CCDC148: variants seen among roughly 807,000 people sequenced by gnomAD.
CCDC148 encodes coiled-coil domain containing 148.
In CCDC148, 89 loss-of-function variants were observed where a neutral mutation model predicts 85.7. The observed-to-expected ratio is 1.04, with a 90% confidence interval of 0.87 to 1.24. CCDC148 has a LOEUF of 1.24. Among genes scored for constraint, CCDC148 ranks in the 50% most tolerant of loss-of-function variants. The probability of loss-of-function intolerance (pLI) is 0.00; values close to 1 mark genes in which losing one functional copy is unlikely to be tolerated. For missense variants in CCDC148, 692 were observed against 671.7 expected (o/e 1.03, Z -0.33); for synonymous variants, 230 against 213.9 (o/e 1.08, Z -0.66).
rs1177666183 is a variant in CCDC148 at position 158,250,351 on chromosome 2, A to G, written c.1251+421T>C. On this transcript the variant is annotated intron_variant, in intron 10 of 13. Transcript: ENST00000283233. ...TAAAGGGCATTTTGACTTTCCATGA[A>G]TTGCACTGTCTCTAGTATAATATAT... Among the ~76,000 whole-genome samples, 3 of 151,946 alleles carry G rather than the reference A, an allele frequency of 2.0e-5. No individual in the cohort carries two copies. The East Asian group carries it at 5.8e-4, about 29-fold the overall frequency.
At chr2:158,173,797 T>G (rs985571150) in intron 13 of CCDC148, among the ~76,000 whole-genome samples, 1 of 152,062 alleles carries the variant, frequency 6.6e-6, no homozygotes, top group Non-Finnish European at 1.5e-5. Flanking sequence ...GCTCCAGTGA[T>G]TCATGTGCAA....
chr2:158,190,414 A>G (rs1238946099), intron 11 of CCDC148, among the ~76,000 whole-genome samples: 1 of 151,976 alleles, frequency 6.6e-6, no homozygotes, highest in African/African-American at 2.4e-5. Flanking sequence ...TATAACAATC[A>G]TATTTCTGCA....
chr2:158,440,145 AGGTGTGAG>A (rs1372774519), intron 1 of CCDC148, among the ~76,000 whole-genome samples: 4 of 152,146 alleles, frequency 2.6e-5, no homozygotes, highest in Non-Finnish European at 5.9e-5. Flanking sequence ...CTGAGATTAC[AGGTGTGAG>A]GCACAGCACC....
intron 9 of CCDC148, among the ~76,000 whole-genome samples, chr2:158,254,570 G>A (rs1261140548): frequency 6.6e-6 from 1 of 151,640 alleles, no homozygotes; most frequent in Admixed American, 6.6e-5. Flanking sequence ...TAATGCATAT[G>A]CAAAGAGATT....
chr2:158,273,766 C>T (rs1464144435), intron 9 of CCDC148, among the ~76,000 whole-genome samples: 1 of 152,146 alleles, frequency 6.6e-6, no homozygotes, highest in African/African-American at 2.4e-5. Flanking sequence ...CACTAACTCT[C>T]ATGCATCTGT....
Position 158,360,672 on chromosome 2 carries a change from T to A in CCDC148, c.26-2102A>T, listed in dbSNP as rs10183064. Reference sequence around the variant, plus strand: ...CCACTCGGAAACCCCAGCCGAAGCTTACCAACATCAAAGACCAAAGATAGA... The same window carrying A: ...CCACTCGGAAACCCCAGCCGAAGCTAACCAACATCAAAGACCAAAGATAGA... On this transcript the variant is annotated intron_variant, in intron 1 of 13. Transcript: ENST00000283233. Among the ~76,000 whole-genome samples the A allele has an allele frequency of 5.9e-5, 9 of 151,768 alleles. No individual in the cohort carries two copies. The East Asian group carries it at 1.6e-3, about 26-fold the overall frequency.
chr2:158,357,053 C>G (rs10202592), intron 2 of CCDC148, among the ~76,000 whole-genome samples: 122,985 of 144,698 alleles, frequency 0.85, 52,367 homozygotes, highest in East Asian at 0.98. Flanking sequence ...GACACAGGAA[C>G]GGGAATATCA....
chr2:158,434,793 G>C (rs1172305609), intron 1 of CCDC148, among the ~76,000 whole-genome samples: 2 of 152,204 alleles, frequency 1.3e-5, no homozygotes, highest in African/African-American at 4.8e-5. Context: ...TGACCTGATG[G>C]AGCTGAAAAC....
rs115960186 is a variant in CCDC148, at chr2:158,211,424, C to T, written c.1370+9171G>A. Among the ~76,000 whole-genome samples the T allele has an allele frequency of 8.3e-3, 1,257 of 152,206 alleles. 21 individuals carry two copies. Among genetic ancestry groups the T allele is most frequent in the African/African-American group, 0.029 (1,204 of 41,528 alleles). ...GTGGGCATAAAGGGATGTAATAATG[C>T]TCATTTTATACATTAAAAAACATAT... On this transcript the variant is annotated intron_variant, in intron 11 of 13. Transcript: ENST00000283233.
At chr2:158,451,590 G>A (rs1159762403) in intron 1 of CCDC148, among the ~76,000 whole-genome samples, 1 of 151,790 alleles carries the variant, frequency 6.6e-6, no homozygotes, top group African/African-American at 2.4e-5. Flanking sequence ...ATTCTACCCT[G>A]AAAAAACAAT....
At chr2:158,401,483 A>AAGTGGG (rs1685779835) in intron 1 of CCDC148, among the ~76,000 whole-genome samples, 1 of 151,682 alleles carries the variant, frequency 6.6e-6, no homozygotes. Flanking sequence ...TCTCACTCAT[A>AAGTGGG]AGTTGAACAA....
chr2:158,289,451 C>A (rs1257491856), intron 9 of CCDC148, among the ~76,000 whole-genome samples: 1 of 151,996 alleles, frequency 6.6e-6, no homozygotes, highest in African/African-American at 2.4e-5. Context: ...GAAAAAAATC[C>A]AGATAGCCAT....
intron 8 of CCDC148, among the ~76,000 whole-genome samples, chr2:158,310,862 C>G (rs549781239): frequency 2.1e-3 from 311 of 149,152 alleles, no homozygotes; most frequent in Non-Finnish European, 2.3e-3. Flanking sequence ...AGAGGTGCTC[C>G]TCACTTCCCA....
chr2:158,244,575 A>C (rs1688491913), intron 10 of CCDC148, among the ~76,000 whole-genome samples: 1 of 152,074 alleles, frequency 6.6e-6, no homozygotes, highest in African/African-American at 2.4e-5. Flanking sequence ...ATTCCTTGCC[A>C]TGTGACTCCC....
rs1684343447 is a variant in CCDC148 at position 158,172,129 on chromosome 2, G to A, written c.1760C>T (p.Thr587Ile). 11 of 1,605,536 alleles carry A rather than the reference G, an allele frequency of 6.9e-6. No homozygotes were observed. The highest frequency in any genetic ancestry group is 9.4e-6 in the Non-Finnish European group (11 of 1,175,948). Residue 587 changes from threonine to isoleucine, a missense_variant, in exon 14 of 14, where the codon ACT becomes ATT. Physicochemically the swap from Thr to Ile is moderately conservative, Grantham distance 89 (BLOSUM62 -1). Transcript: ENST00000283233. ...QKPPRKDMES[T>I]VFKI ...GGATGAGCTCTATATTTTAAATACA[G>A]TAGACTCCATGTCCTTTCTTGGAGG...
At chr2:158,229,058 G>A (rs1039149988) in intron 10 of CCDC148, among the ~76,000 whole-genome samples, 1 of 151,368 alleles carries the variant, frequency 6.6e-6, no homozygotes, top group Non-Finnish European at 1.5e-5. Context: ...CTGTCTGAAT[G>A]CCCTTCCAAC....
chr2:158,373,448 TAC>T (rs1411713377), intron 1 of CCDC148, among the ~76,000 whole-genome samples: 1 of 152,032 alleles, frequency 6.6e-6, no homozygotes, highest in Non-Finnish European at 1.5e-5. Context: ...TTTGAAATAG[TAC>T]ACACACTATT....
intron 11 of CCDC148, among the ~76,000 whole-genome samples, chr2:158,198,928 C>G (rs1286093426): frequency 6.6e-6 from 1 of 152,156 alleles, no homozygotes; most frequent in Non-Finnish European, 1.5e-5. Context: ...TCTGAAACAG[C>G]TTTGTTCTCA....
intron 9 of CCDC148, among the ~76,000 whole-genome samples, chr2:158,290,210 A>T (rs1043919993): frequency 6.6e-6 from 1 of 152,162 alleles, no homozygotes; most frequent in Non-Finnish European, 1.5e-5. Flanking sequence ...GAGCACCAAG[A>T]CAAGCTGGGG....
Sources: gnomAD v4.1 joint callset for allele counts (sites outside exome capture counted in the v4.1 genomes callset) on GRCh38, gnomAD v4.1.1 for gene constraint, MANE v1.5 for transcripts, NCBI Gene and HGNC (gene_info 2026-07-23, HGNC 2026-07-21) for gene names.